PLD5: variants seen among roughly 807,000 people sequenced by gnomAD.
PLD5 encodes inactive phospholipase D5.
PLD5 carries 36 observed loss-of-function variants against 61.1 expected under a neutral mutation model. That is an observed-to-expected ratio of 0.59 (90% CI 0.45 to 0.78). PLD5 has a LOEUF of 0.78. PLD5 is among the 30% of genes least tolerant of loss of function. The pLI is 0.00. For synonymous variants in PLD5, 243 were observed against 242.8 expected (o/e 1.00, Z -0.01); for missense variants, 515 against 644.4 (o/e 0.80, Z 2.17).
At chr1:242,306,660 G>T (rs1676366969) in intron 2 of PLD5, among the ~76,000 whole-genome samples, 1 of 151,672 alleles carries the variant, frequency 6.6e-6, no homozygotes. Context: ...GAACCAACTC[G>T]CCCACCATGT....
At chr1:242,127,226 A>G (rs1409334303) in intron 5 of PLD5, among the ~76,000 whole-genome samples, 2 of 152,244 alleles carry the variant, frequency 1.3e-5, no homozygotes, top group Non-Finnish European at 2.9e-5. Context: ...TAGTACAACC[A>G]CTATGGAAAA....
intron 5 of PLD5, among the ~76,000 whole-genome samples, chr1:242,208,264 G>A (rs1388457218): frequency 6.6e-6 from 1 of 151,964 alleles, no homozygotes; most frequent in Non-Finnish European, 1.5e-5. Context: ...TTAAGGTGCA[G>A]CTCAAATTCC....
At chr1:242,095,596 TA>T (rs1660164762) in intron 9 of PLD5, among the ~76,000 whole-genome samples, 1 of 152,226 alleles carries the variant, frequency 6.6e-6, no homozygotes, top group Non-Finnish European at 1.5e-5. Flanking sequence ...TTTATTTTTT[TA>T]ATTTTAATTT....
intron 2 of PLD5, among the ~76,000 whole-genome samples, chr1:242,335,829 A>T (rs1363752754): frequency 1.3e-5 from 2 of 152,226 alleles, no homozygotes; most frequent in Non-Finnish European, 2.9e-5. Context: ...AATTTCCCAC[A>T]AATTGATATT....
intron 5 of PLD5, among the ~76,000 whole-genome samples, chr1:242,202,683 A>T (rs1669056420): frequency 6.6e-6 from 1 of 152,138 alleles, no homozygotes; most frequent in South Asian, 2.1e-4. Context: ...CAGTTTTATG[A>T]TACATCTTTA....
chr1:242,219,868 T>TAC (rs3051891), intron 5 of PLD5, 120 bp downstream of exon 5: 363,942 of 1,267,756 alleles, frequency 0.29, 56,090 homozygotes, highest in East Asian at 0.53. Flanking sequence ...CTCTTAAAAC[T>TAC]ACAGTTAAGA....
intron 5 of PLD5, among the ~76,000 whole-genome samples, chr1:242,143,019 CT>C (rs981632467): frequency 7.1e-4 from 101 of 143,112 alleles, no homozygotes; most frequent in East Asian, 1.2e-3. Context: ...TGCCTGGCCT[CT>C]TTTTTTTTTT....
intron 5 of PLD5, among the ~76,000 whole-genome samples, chr1:242,135,167 A>T (rs11587429): frequency 0.28 from 42,320 of 152,168 alleles, 6,490 homozygotes; most frequent in East Asian, 0.35. Flanking sequence ...GTATACAGAC[A>T]TATGTATATA....
At chr1:242,233,134 A>G (rs1671414220) in intron 4 of PLD5, among the ~76,000 whole-genome samples, 1 of 151,606 alleles carries the variant, frequency 6.6e-6, no homozygotes, top group Admixed American at 6.6e-5. Flanking sequence ...AGTCTGGGTG[A>G]CAGAGCAAGA....
At chr1:242,199,656 T>C (rs1389745626) in intron 5 of PLD5, among the ~76,000 whole-genome samples, 4 of 152,108 alleles carry the variant, frequency 2.6e-5, no homozygotes, top group Admixed American at 1.3e-4. Flanking sequence ...ACCAAACAAC[T>C]ACCCACTATC....
intron 3 of PLD5, among the ~76,000 whole-genome samples, chr1:242,276,843 G>A (rs548284615): frequency 2.2e-4 from 33 of 152,186 alleles, no homozygotes; most frequent in African/African-American, 6.0e-4. Context: ...CACCTCATTA[G>A]AGGATTTAAT....
At chr1:242,311,323 G>A (rs1257896683) in intron 2 of PLD5, among the ~76,000 whole-genome samples, 2 of 152,198 alleles carry the variant, frequency 1.3e-5, no homozygotes, top group Admixed American at 1.3e-4. Flanking sequence ...TTTTCAAGGA[G>A]TGCATCCATT....
chr1:242,505,939 A>G (rs1446118336), intron 1 of PLD5, among the ~76,000 whole-genome samples: 2 of 152,258 alleles, frequency 1.3e-5, no homozygotes. Context: ...AGAGACTTGA[A>G]TAAAAACCAG....
chr1:242,308,262 T>C (rs1676489896), intron 2 of PLD5, among the ~76,000 whole-genome samples: 1 of 152,084 alleles, frequency 6.6e-6, no homozygotes, highest in Non-Finnish European at 1.5e-5. Flanking sequence ...TTCTCTAATC[T>C]TGGAAGTTTA....
chr1:242,215,838 A>G (rs892600532), intron 5 of PLD5, among the ~76,000 whole-genome samples: 9 of 152,208 alleles, frequency 5.9e-5, no homozygotes, highest in African/African-American at 2.2e-4. Flanking sequence ...TTCACTCCAG[A>G]TAATTGTTCC....
Position 242,524,284 on chromosome 1 carries a change from T to G in PLD5, c.-8A>C. On this transcript the variant is annotated 5_prime_UTR_variant, in exon 1 of 10. The change abolishes an upstream ATG in the 5' untranslated region. Coordinates refer to ENST00000536534, the MANE Select transcript of PLD5 (RefSeq NM_001372062.1). Reference sequence around the variant, plus strand: ...GTGCTGCCGGATCTCCATCCTGACATGACCGGGCGGCCGCCGGCGAGCAGC... The same window carrying G: ...GTGCTGCCGGATCTCCATCCTGACAGGACCGGGCGGCCGCCGGCGAGCAGC... The G allele has an allele frequency of 7.1e-7, 1 of 1,398,892 alleles. No homozygotes were observed. Among genetic ancestry groups the G allele is most frequent in the South Asian group, 1.5e-5 (1 of 65,290 alleles). The allele number at this position is 1,398,892 out of a possible 1,614,324, so 86.7% of individuals were successfully genotyped here. A position where few individuals can be genotyped will look rare whatever the true frequency, so the allele number is the denominator to read the frequency against.
At chr1:242,157,947 G>C (rs758172700) in intron 5 of PLD5, among the ~76,000 whole-genome samples, 1 of 152,180 alleles carries the variant, frequency 6.6e-6, no homozygotes, top group Non-Finnish European at 1.5e-5. Context: ...CCTGTCCCAG[G>C]GGAGTTTTAT....
At chr1:242,207,974 T>TTATATACATTTATTTATATATA (rs1669541563) in intron 5 of PLD5, among the ~76,000 whole-genome samples, 1 of 35,296 alleles carries the variant, frequency 2.8e-5, no homozygotes, top group African/African-American at 1.0e-4. Context: ...TTATATATAT[T>TTATATACATTTATTTATATATA]TTTATATATA....
chr1:242,281,985 T>G (rs1674743849), intron 3 of PLD5, among the ~76,000 whole-genome samples: 1 of 152,164 alleles, frequency 6.6e-6, no homozygotes, highest in African/African-American at 2.4e-5. Context: ...TTGCAGAAAC[T>G]CTAATCCCCT....
Sources: gnomAD v4.1 joint callset for allele counts (sites outside exome capture counted in the v4.1 genomes callset) on GRCh38, gnomAD v4.1.1 for gene constraint, MANE v1.5 for transcripts, NCBI Gene and HGNC (gene_info 2026-07-23, HGNC 2026-07-21) for gene names.